The following PLSCR4 variants were observed in gnomAD, a reference collection of about 807,000 sequenced individuals.
PLSCR4 encodes the protein phospholipid scramblase 4.
In PLSCR4, 25 loss-of-function variants were observed where a neutral mutation model predicts 36.3. The ratio of observed to expected loss-of-function variants is 0.69; its 90% CI spans 0.50 to 0.96. The LOEUF is 0.96. Ranked by LOEUF, PLSCR4 falls within the 40% of genes least tolerant of loss-of-function variation. PLSCR4 has a pLI of 0.00. For synonymous variants in PLSCR4, 122 were observed against 132.9 expected, an observed-to-expected ratio of 0.92 and a Z score of 0.56; for missense variants, 408 against 414.7, an observed-to-expected ratio of 0.98 and a Z score of 0.14.
chr3:146,248,906 C>T (rs902320092), intron 1 of PLSCR4, among the ~76,000 whole-genome samples: 1 of 152,128 alleles, frequency 6.6e-6, no homozygotes, highest in Non-Finnish European at 1.5e-5. Flanking sequence ...ATCAGACTTT[C>T]AAAATTTGTA....
chr3:146,200,490 T>A (rs2033986105), intron 5 of PLSCR4, among the ~76,000 whole-genome samples: 1 of 152,106 alleles, frequency 6.6e-6, no homozygotes, highest in African/African-American at 2.4e-5. Flanking sequence ...CAAATGAATG[T>A]GCACAGCTGG....
chr3:146,243,803 T>A (rs181539177), intron 1 of PLSCR4, among the ~76,000 whole-genome samples: 2 of 152,274 alleles, frequency 1.3e-5, no homozygotes, highest in African/African-American at 4.8e-5. Flanking sequence ...ATCAGAATGC[T>A]TCCTCATTTG....
intron 1 of PLSCR4, chr3:146,223,687 C>A (rs188105583): frequency 2.0e-5 from 3 of 152,042 alleles, no homozygotes; most frequent in African/African-American, 7.2e-5. Flanking sequence ...GATTGTCTTG[C>A]CAAGACGGGT....
rs145948753 is a variant in PLSCR4, at chr3:146,245,219, A to C, written c.-22+5741T>G. Among the ~76,000 whole-genome samples the C allele has an allele frequency of 2.0e-5, 3 of 152,164 alleles. No homozygotes were observed. In the East Asian group the frequency reaches 5.8e-4, roughly 29 times the overall value. On this transcript the variant is annotated intron_variant, in intron 1 of 8. Coordinates refer to ENST00000354952, the MANE Select transcript of PLSCR4 (RefSeq NM_020353.3). ...TGGAAGCCATTTCCCAGATGATTTT[A>C]ATATATCCCCTCCTGGCCCCAACAC...
In PLSCR4 at chr3:146,194,468, AAAG is replaced by A; in HGVS notation, c.946-16_946-14del. 6.5e-7 allele frequency: 1 copy of A among 1,528,430 alleles called. No homozygotes were observed. Among genetic ancestry groups the A allele is most frequent in the Non-Finnish European group, 9.1e-7 (1 of 1,102,118 alleles). The allele number at this position is 1,528,430 out of a possible 1,614,324, so 94.7% of individuals were successfully genotyped here. On this transcript the variant is annotated splice_polypyrimidine_tract_variant and intron_variant, in intron 8 of 8. Transcript: ENST00000354952. The stretch of plus-strand genomic sequence containing the variant: ...AATACATGAAGTCCTGAAATTGGAA[AAAG>A]AATTATATGTAGATATATAGATAAT...
intron 4 of PLSCR4, among the ~76,000 whole-genome samples, chr3:146,206,186 T>C (rs1433210086): frequency 6.6e-6 from 1 of 152,154 alleles, no homozygotes; most frequent in Non-Finnish European, 1.5e-5. Flanking sequence ...TGTGCTTTTT[T>C]TGATGTTAAC....
intron 1 of PLSCR4, among the ~76,000 whole-genome samples, chr3:146,241,317 T>C (rs747679118): frequency 7.9e-5 from 12 of 152,268 alleles, no homozygotes; most frequent in Non-Finnish European, 1.8e-4. Context: ...GTGAATTTTA[T>C]GGTATGTGAA....
rs542881577 is a variant in PLSCR4 at position 146,201,877 on chromosome 3, G to A, written c.355-800C>T. Among the ~76,000 whole-genome samples, 155 of 152,142 alleles carry A rather than the reference G, an allele frequency of 1.0e-3. 1 individual carries two copies. Among genetic ancestry groups the A allele is most frequent in the African/African-American group, 3.6e-3 (151 of 41,526 alleles). ...AGCAGAAGAAAAGAAACCTTCTTGAGGACACACTGATTATATTTGTATAAT... is the reference window on the plus strand; with the variant it reads ...AGCAGAAGAAAAGAAACCTTCTTGAAGACACACTGATTATATTTGTATAAT... On this transcript the variant is annotated intron_variant, in intron 4 of 8. Coordinates refer to ENST00000354952, the MANE Select transcript of PLSCR4 (RefSeq NM_020353.3).
At position 146,214,398 on chromosome 3, in the gene PLSCR4, CAGGCG is replaced by C. The variant is rs1234671708; in HGVS notation, c.118+6412_118+6416del. On this transcript the variant is annotated intron_variant, in intron 3 of 8. Transcript: ENST00000354952. ...TTGGCCTCCCAAAGTGCTGGGATTA[CAGGCG>C]TGAGCCACCGCGCCCGGCCCTCTTC... Among the ~76,000 whole-genome samples, 4 of 9,546 alleles carry C rather than the reference CAGGCG, an allele frequency of 4.2e-4. 1 individual carries two copies. The highest frequency in any genetic ancestry group is 9.2e-4 in the Non-Finnish European group (3 of 3,260). The allele number at this position is 9,546 out of a possible 152,430, so 6.3% of individuals were successfully genotyped here.
chr3:146,240,740 T>C (rs1216668899), intron 1 of PLSCR4, among the ~76,000 whole-genome samples: 2 of 152,164 alleles, frequency 1.3e-5, no homozygotes, highest in African/African-American at 2.4e-5. Flanking sequence ...ATGTAAAATG[T>C]TAAAGCTGCT....
chr3:146,217,999 A>G (rs930133231), intron 3 of PLSCR4, among the ~76,000 whole-genome samples: 1 of 152,142 alleles, frequency 6.6e-6, no homozygotes, highest in Non-Finnish European at 1.5e-5. Context: ...AGGGAAAACC[A>G]GGGGAGTAGA....
intron 3 of PLSCR4, among the ~76,000 whole-genome samples, chr3:146,213,623 A>G (rs573901242): frequency 1.8e-4 from 27 of 152,204 alleles, no homozygotes; most frequent in Non-Finnish European, 2.9e-5. Context: ...GCACCCGGCC[A>G]AATTCACTAT....
At chr3:146,225,983 C>T (rs1465157172) in intron 1 of PLSCR4, among the ~76,000 whole-genome samples, 4 of 152,194 alleles carry the variant, frequency 2.6e-5, no homozygotes, top group African/African-American at 9.6e-5. Context: ...ACTGTCACCT[C>T]GCAGTATGAT....
intron 3 of PLSCR4, among the ~76,000 whole-genome samples, chr3:146,212,244 T>C (rs937671655): frequency 3.3e-5 from 5 of 152,074 alleles, no homozygotes; most frequent in Admixed American, 2.0e-4. Context: ...TTACTCCTTT[T>C]ATTAAAGTTA....
At chr3:146,218,644 A>G (rs1216561547) in intron 3 of PLSCR4, among the ~76,000 whole-genome samples, 13 of 152,134 alleles carry the variant, frequency 8.5e-5, no homozygotes, top group Admixed American at 8.5e-4. Flanking sequence ...TAAGCTTTGA[A>G]GTTTTCATAA....
At chr3:146,196,266 A>G (rs369437064) in intron 7 of PLSCR4, 29 of 207,154 alleles carry the variant, frequency 1.4e-4, no homozygotes, top group African/African-American at 6.5e-4. Flanking sequence ...CATGTTGGGC[A>G]CTTGCATTAC....
rs745956616 is a variant in PLSCR4, at chr3:146,199,931, C to T, written c.506G>A (p.Arg169Gln). 20 of 1,613,246 alleles carry T rather than the reference C, an allele frequency of 1.2e-5. No individual in the cohort carries two copies. In the East Asian group the frequency reaches 1.6e-4, roughly 13 times the overall value. ...DTDDFTRNAY[R>Q]TLRPFVLRVT... ...CCGGAGGACGAAGGGCCTTAGTGTC[C>T]GATAGGCATTCCTGGTAAAGTCATC... Residue 169 changes from arginine to glutamine, a missense_variant, in exon 6 of 9, where the codon CGG becomes CAG. Arg to Gln is a conservative substitution (Grantham distance 43, BLOSUM62 1). Transcript: ENST00000354952.
chr3:146,204,972 A>G (rs1406393089), intron 4 of PLSCR4, among the ~76,000 whole-genome samples: 1 of 152,036 alleles, frequency 6.6e-6, no homozygotes, highest in Admixed American at 6.6e-5. Context: ...TTCCTGATCC[A>G]ACTGTATTGA....
At chr3:146,206,899 G>T in intron 3 of PLSCR4, 138 bp from the exon 4 acceptor site, 1 of 617,602 alleles carries the variant, frequency 1.6e-6, no homozygotes, top group Admixed American at 2.9e-5. Flanking sequence ...ACTTTATGCA[G>T]ATCATGGTTG....
Sources: allele counts gnomAD v4.1 joint callset (sites outside exome capture counted in the v4.1 genomes callset), GRCh38; gene constraint gnomAD v4.1.1; transcripts MANE v1.5; gene names NCBI Gene and HGNC (gene_info 2026-07-23, HGNC 2026-07-21).